The following DOCK9 variants were observed in gnomAD, a reference collection of about 807,000 sequenced individuals.
DOCK9 encodes dedicator of cytokinesis 9, also known as dedicator of cytokinesis protein 9.
DOCK9 carries 89 observed loss-of-function variants against 263.3 expected under a neutral mutation model. The observed-to-expected ratio is 0.34, with a 90% CI of 0.28 to 0.40. DOCK9 has a LOEUF of 0.40. Among genes scored for constraint, DOCK9 ranks in the 10% least tolerant of loss-of-function variants. The probability of loss-of-function intolerance (pLI) is 1.00; values close to 1 mark genes in which losing one functional copy is unlikely to be tolerated. For missense variants in DOCK9, 2,140 were observed against 2,603.4 expected (o/e 0.82, Z 3.87); for synonymous variants, 976 against 973.1 (o/e 1.00, Z -0.06).
intron 39 of DOCK9, among the ~76,000 whole-genome samples, chr13:98,836,208 T>C (rs558085272): frequency 6.6e-6 from 1 of 152,250 alleles, no homozygotes; most frequent in South Asian, 2.1e-4. Flanking sequence ...TCCAGAATTT[T>C]CTGCTTATTT....
chr13:98,884,881 T>C, intron 21 of DOCK9, 90 bp downstream of exon 21: 13 of 1,415,674 alleles, frequency 9.2e-6, no homozygotes, highest in South Asian at 1.4e-5. Flanking sequence ...GCAAAAATAC[T>C]GTTTGCTTTT....
intron 1 of DOCK9, among the ~76,000 whole-genome samples, chr13:98,977,374 A>G (rs1223910032): frequency 4.6e-5 from 7 of 152,156 alleles, no homozygotes; most frequent in South Asian, 2.1e-4. Flanking sequence ...AAAACCCCCA[A>G]TGGGACCTGC....
intron 3 of DOCK9, among the ~76,000 whole-genome samples, chr13:98,929,296 A>G (rs2053545058): frequency 6.6e-6 from 1 of 152,202 alleles, no homozygotes; most frequent in Non-Finnish European, 1.5e-5. Context: ...TAATCCTAGC[A>G]CTTTGGGAGG....
chr13:98,934,930 T>C (rs1175498654), intron 2 of DOCK9, among the ~76,000 whole-genome samples: 1 of 152,196 alleles, frequency 6.6e-6, no homozygotes. Flanking sequence ...AGACACAAAG[T>C]TTAATAAAAT....
intron 1 of DOCK9, among the ~76,000 whole-genome samples, chr13:99,075,867 G>C (rs2041889624): frequency 6.6e-6 from 1 of 151,616 alleles, no homozygotes; most frequent in Non-Finnish European, 1.5e-5. Context: ...ACCCTGGGTA[G>C]TTCATGACCA....
In DOCK9 at chr13:98,925,925, G is replaced by A; in HGVS notation, c.334-6C>T. 2 of 1,545,658 alleles carry A rather than the reference G, an allele frequency of 1.3e-6. No individual in the cohort carries two copies. The highest frequency in any genetic ancestry group is 1.7e-4 in the Middle Eastern group (1 of 5,886). On this transcript the variant is annotated splice_polypyrimidine_tract_variant and splice_region_variant and intron_variant, in intron 3 of 52. Transcript: ENST00000682017. ...GAGTTATAGGTTTTGATGCACTATTGAAGGGGGATTTTAAAAATAGAAAAT... is the reference window on the plus strand; with the variant it reads ...GAGTTATAGGTTTTGATGCACTATTAAAGGGGGATTTTAAAAATAGAAAAT...
intron 41 of DOCK9, among the ~76,000 whole-genome samples, chr13:98,830,206 T>A (rs547070282): frequency 2.7e-4 from 41 of 152,308 alleles, no homozygotes; most frequent in Non-Finnish European, 3.4e-4. Context: ...GGGCTCTGTC[T>A]TTTTTTGGCT....
intron 1 of DOCK9, among the ~76,000 whole-genome samples, chr13:99,009,196 G>A (rs140707732): frequency 1.4e-4 from 21 of 152,242 alleles, no homozygotes; most frequent in African/African-American, 7.2e-5. Flanking sequence ...GCCCTCTCTC[G>A]TGCTCACACA....
intron 1 of DOCK9, among the ~76,000 whole-genome samples, chr13:99,074,134 G>A (rs1018978261): frequency 6.6e-6 from 1 of 152,240 alleles, no homozygotes; most frequent in Non-Finnish European, 1.5e-5. Flanking sequence ...GCCTGCTGAC[G>A]CAGCTACAGC....
At position 98,897,627 on chromosome 13, in the gene DOCK9, A is replaced by G. The variant is rs2047634811; in HGVS notation, c.1587-17T>C. 14 of 1,610,682 alleles carry G rather than the reference A, an allele frequency of 8.7e-6. No individual in the cohort carries two copies. Among genetic ancestry groups the G allele is most frequent in the Non-Finnish European group, 1.2e-5 (14 of 1,178,674 alleles). ...AACAATGTCCTGAAATGGCAAAGCAACATTTCTAAACTGGGTTTCCAAAAC... is the reference window on the plus strand; with the variant it reads ...AACAATGTCCTGAAATGGCAAAGCAGCATTTCTAAACTGGGTTTCCAAAAC... On this transcript the variant is annotated splice_polypyrimidine_tract_variant and intron_variant, in intron 14 of 52. Transcript: ENST00000682017.
At chr13:98,902,516 G>C in intron 11 of DOCK9, 25 bp from the exon 12 acceptor site, 1 of 1,602,584 alleles carries the variant, frequency 6.2e-7, no homozygotes, top group Non-Finnish European at 8.5e-7. Flanking sequence ...ACAATCCAAT[G>C]ATCACCATGG....
Position 98,883,149 on chromosome 13 carries a change from G to T in DOCK9, c.2470-18C>A. ...TGCTGATCCTGAGGTAGGGAAAAAG[G>T]AAAAGAAGAAGAAAGTCTATTAGAA... On this transcript the variant is annotated intron_variant, in intron 22 of 52. Coordinates refer to ENST00000682017, the MANE Select transcript of DOCK9 (RefSeq NM_001366683.2). 6.3e-7 allele frequency: 1 copy of T among 1,590,810 alleles called. No individual in the cohort carries two copies. Among genetic ancestry groups the T allele is most frequent in the Non-Finnish European group, 8.6e-7 (1 of 1,162,650 alleles).
At chr13:98,901,486 T>C (rs751763402) in intron 13 of DOCK9, among the ~76,000 whole-genome samples, 1 of 152,196 alleles carries the variant, frequency 6.6e-6, no homozygotes, top group African/African-American at 2.4e-5. Context: ...TATTTGAATA[T>C]CATACATGTA....
rs569742067 is a variant in DOCK9, at chr13:98,921,051, C to A, written c.620G>T (p.Gly207Val). 2 of 1,602,236 alleles carry A rather than the reference C, an allele frequency of 1.2e-6. No homozygotes were observed. Among genetic ancestry groups the A allele is most frequent in the East Asian group, 4.5e-5 (2 of 44,620 alleles). ...AAAATTCAAATTATAGGATCCATCGCCAAGTTGAATCAGGTGGAAAAATCG... is the reference window on the plus strand; with the variant it reads ...AAAATTCAAATTATAGGATCCATCGACAAGTTGAATCAGGTGGAAAAATCG... ...KRRFFHLIQL[G>V]DGSYNLNFYK... The change falls in exon 7 of 53, where the codon GGC (glycine) becomes GTC (valine). Residue 207 changes from glycine to valine, a missense_variant. Transcript: ENST00000682017.
chr13:98,897,399 G>A (rs532666853), intron 15 of DOCK9, 89 bp downstream of exon 15: 10 of 1,520,648 alleles, frequency 6.6e-6, no homozygotes, highest in East Asian at 4.6e-5. Context: ...TGTCTAAATC[G>A]AGCAACCTAA....
At chr13:98,902,524 T>A (rs1201025900) in intron 11 of DOCK9, 33 bp from the exon 12 acceptor site, 1 of 1,595,210 alleles carries the variant, frequency 6.3e-7, no homozygotes, top group Admixed American at 1.7e-5. Flanking sequence ...ATGATCACCA[T>A]GGCTCAAACA....
At chr13:99,065,760 T>C (rs908681675) in intron 1 of DOCK9, among the ~76,000 whole-genome samples, 4 of 152,236 alleles carry the variant, frequency 2.6e-5, no homozygotes, top group African/African-American at 9.7e-5. Flanking sequence ...CTATTAGGTA[T>C]ACATGAAGCT....
intron 2 of DOCK9, among the ~76,000 whole-genome samples, chr13:98,934,296 G>GTCACTGTACTT: frequency 6.6e-6 from 1 of 152,224 alleles, no homozygotes; most frequent in African/African-American, 2.4e-5. Flanking sequence ...AGACCACCAT[G>GTCACTGTACTT]GTGACAGGAA....
chr13:98,911,649 C>T (rs1281416826), intron 9 of DOCK9, among the ~76,000 whole-genome samples: 2 of 151,726 alleles, frequency 1.3e-5, no homozygotes, highest in African/African-American at 4.8e-5. Context: ...AATCTCAGCA[C>T]TTTGGGAGGC....
Sources: allele counts gnomAD v4.1 joint callset (sites outside exome capture counted in the v4.1 genomes callset), GRCh38; gene constraint gnomAD v4.1.1; transcripts MANE v1.5; gene names NCBI Gene and HGNC (gene_info 2026-07-23, HGNC 2026-07-21).